DCAF1: variants seen among roughly 807,000 people sequenced by gnomAD.
DCAF1 encodes DDB1- and CUL4-associated factor 1.
A neutral mutation model predicts 128.0 loss-of-function variants in DCAF1; 15 were observed. That is an observed-to-expected ratio of 0.12 (90% confidence interval 0.08 to 0.18). The LOEUF (loss-of-function observed/expected upper bound fraction) is 0.18. DCAF1 is among the 10% of genes least tolerant of loss of function. The probability of loss-of-function intolerance (pLI) is 1.00; values close to 1 mark genes in which losing one functional copy is unlikely to be tolerated. For synonymous variants in DCAF1, 610 were observed against 603.0 expected, an observed-to-expected ratio of 1.01 and a Z score of -0.17; for missense variants, 988 against 1,649.5, an observed-to-expected ratio of 0.60 and a Z score of 6.95.
At chr3:51,415,449 C>T (rs9820140) in intron 18 of DCAF1, among the ~76,000 whole-genome samples, 134,810 of 152,186 alleles carry the variant, frequency 0.89, 60,671 homozygotes, top group Non-Finnish European at 0.98. Context: ...GAGCTGTGAT[C>T]GTGCCACTGC....
intron 12 of DCAF1, among the ~76,000 whole-genome samples, chr3:51,427,891 T>C (rs1220179260): frequency 1.3e-5 from 2 of 152,064 alleles, no homozygotes; most frequent in Non-Finnish European, 2.9e-5. Flanking sequence ...CCTGAACTCC[T>C]AGACTCAAGC....
At chr3:51,482,657 C>T (rs1279354361) in intron 3 of DCAF1, among the ~76,000 whole-genome samples, 1 of 145,186 alleles carries the variant, frequency 6.9e-6, no homozygotes, top group Non-Finnish European at 1.5e-5. Context: ...CCCAGCTACT[C>T]GGGAGGCTGA....
chr3:51,496,391 C>G (rs1025610543), intron 2 of DCAF1, among the ~76,000 whole-genome samples: 1 of 152,168 alleles, frequency 6.6e-6, no homozygotes. Flanking sequence ...CGCGCCACTG[C>G]ACTCCAGCTT....
At chr3:51,480,052 T>G (rs1705974645) in intron 3 of DCAF1, among the ~76,000 whole-genome samples, 3 of 147,782 alleles carry the variant, frequency 2.0e-5, no homozygotes, top group Admixed American at 1.4e-4. Flanking sequence ...AGCAGTGAGC[T>G]ATAATCATAC....
chr3:51,428,347 T>TC (rs1700084900), intron 12 of DCAF1, among the ~76,000 whole-genome samples: 2 of 148,884 alleles, frequency 1.3e-5, no homozygotes, highest in South Asian at 4.4e-4. Context: ...TTTTTTTTTT[T>TC]TTTTGAGACA....
chr3:51,459,075 G>T (rs1703249133), intron 6 of DCAF1, among the ~76,000 whole-genome samples: 1 of 152,072 alleles, frequency 6.6e-6, no homozygotes, highest in African/African-American at 2.4e-5. Flanking sequence ...CAGAACTGAA[G>T]GAAATAGAGA....
chr3:51,468,297 G>A lies in DCAF1; in HGVS notation c.188-1421C>T, dbSNP rs570784229. ...AGCAATTCTCCTGCCTCAGCCTCCCGAGTAGCTGGGATTACAGGTGCCTGC... is the reference window on the plus strand; with the variant it reads ...AGCAATTCTCCTGCCTCAGCCTCCCAAGTAGCTGGGATTACAGGTGCCTGC... On this transcript the variant is annotated intron_variant, in intron 4 of 24. Coordinates refer to ENST00000684031, the MANE Select transcript of DCAF1 (RefSeq NM_001387579.1). Among the ~76,000 whole-genome samples, 12 of 152,002 alleles carry A rather than the reference G, an allele frequency of 7.9e-5. 1 individual carries two copies. Among genetic ancestry groups the A allele is most frequent in the South Asian group, 2.1e-4 (1 of 4,804 alleles).
chr3:51,480,577 C>T (rs1167452469), intron 3 of DCAF1, among the ~76,000 whole-genome samples: 2 of 125,804 alleles, frequency 1.6e-5, no homozygotes, highest in Admixed American at 1.0e-4. Flanking sequence ...CCAGCCTGGG[C>T]GACAGAGCTA....
chr3:51,465,546 C>T (rs1704043419), intron 5 of DCAF1, among the ~76,000 whole-genome samples: 1 of 151,832 alleles, frequency 6.6e-6, no homozygotes, highest in African/African-American at 2.4e-5. Flanking sequence ...GAGTTTGAGA[C>T]CAGCCTGACC....
At chr3:51,502,069 G>C (rs1392879170), upstream of DCAF1, among the ~76,000 whole-genome samples, 3 of 152,184 alleles carry the variant, frequency 2.0e-5, no homozygotes, top group Non-Finnish European at 4.4e-5. Context: ...AAATGTATGA[G>C]GATGGGACAT....
At chr3:51,472,753 C>T (rs373012155) in intron 3 of DCAF1, among the ~76,000 whole-genome samples, 6 of 151,986 alleles carry the variant, frequency 3.9e-5, no homozygotes, top group South Asian at 2.1e-4. Flanking sequence ...CAACCTCCGC[C>T]TCCCAGGTTC....
At position 51,398,632 on chromosome 3, in the gene DCAF1, C is replaced by A; in HGVS notation, c.*137G>T. 8.3e-7 allele frequency: 1 copy of A among 1,202,556 alleles called. No individual in the cohort carries two copies. The highest frequency in any genetic ancestry group is 2.3e-5 in the Admixed American group (1 of 43,112). 74.5% of individuals were successfully genotyped at this position (1,202,556 alleles called of 1,614,324 possible). A position where few individuals can be genotyped will look rare whatever the true frequency, so the allele number is the denominator to read the frequency against. On this transcript the variant is annotated 3_prime_UTR_variant, in exon 25 of 25. Transcript: ENST00000684031. ...TCGGGTGCCAATGAGGCTCTCTAAG[C>A]CATAATCTTCTGAATGCAGGGCATG...
intron 3 of DCAF1, among the ~76,000 whole-genome samples, chr3:51,472,269 T>C (rs1413880863): frequency 1.3e-5 from 2 of 152,170 alleles, no homozygotes; most frequent in African/African-American, 4.8e-5. Flanking sequence ...TACAGTGCTA[T>C]TAACTCAGCT....
intron 8 of DCAF1, 65 bp downstream of exon 8, chr3:51,441,320 A>G (rs187784935): frequency 9.3e-6 from 14 of 1,510,566 alleles, no homozygotes; most frequent in Non-Finnish European, 1.2e-5. Context: ...ATACTACCAT[A>G]AAATACCACA....
At chr3:51,407,170 AAAAAAAAAAC>A (rs2090184326) in intron 23 of DCAF1, among the ~76,000 whole-genome samples, 2 of 151,156 alleles carry the variant, frequency 1.3e-5, no homozygotes, top group African/African-American at 2.4e-5. Flanking sequence ...AAAAAAAAAA[AAAAAAAAAAC>A]AACAACAAAA....
upstream of DCAF1, among the ~76,000 whole-genome samples, chr3:51,502,874 A>G (rs933059842): frequency 3.3e-5 from 5 of 152,164 alleles, no homozygotes; most frequent in Non-Finnish European, 7.3e-5. Context: ...AGGCTTTCCC[A>G]ACTGCACACG....
At chr3:51,476,122 G>T (rs1406937173) in intron 3 of DCAF1, among the ~76,000 whole-genome samples, 1 of 151,994 alleles carries the variant, frequency 6.6e-6, no homozygotes, top group African/African-American at 2.4e-5. Flanking sequence ...TAAAAACTGG[G>T]AATCGGGCCA....
Position 51,420,041 on chromosome 3 carries a change from G to A in DCAF1, c.2929C>T (p.Gln977Ter). ...CTGTAGGCACCATGGTCCGACTTCT[G>A]CCGCAACACTCTGATTTTCCTGCCA... ...CNGRKIRVLR[Q>*]KSDHGAYSQS... is the part of the protein sequence containing the mutation. Residue 977 changes from glutamine (Q) to a stop codon, truncating the protein, a stop_gained, in exon 15 of 25, where the codon CAG (glutamine) becomes TAG (stop). Transcript: ENST00000684031. LOFTEE classifies it high-confidence loss of function. The surrounding 1 kb of genome is among the most constrained non-coding windows in gnomAD (Gnocchi z 6.5). The A allele has an allele frequency of 6.2e-7, 1 of 1,614,026 alleles. No homozygotes were observed. Among genetic ancestry groups the A allele is most frequent in the Admixed American group, 1.7e-5 (1 of 60,028 alleles).
chr3:51,474,941 T>C (rs1705250172), intron 3 of DCAF1, among the ~76,000 whole-genome samples: 1 of 151,952 alleles, frequency 6.6e-6, no homozygotes, highest in South Asian at 2.1e-4. Context: ...CATGCCACCA[T>C]GCCCGGCTAA....
Sources: gnomAD v4.1 joint callset for allele counts (sites outside exome capture counted in the v4.1 genomes callset) on GRCh38, gnomAD v4.1.1 for gene constraint, Gnocchi (gnomAD v3.1) non-coding constraint, MANE v1.5 for transcripts, NCBI Gene and HGNC (gene_info 2026-07-23, HGNC 2026-07-21) for gene names.